SCAPER: variants seen among roughly 807,000 people sequenced by gnomAD.
SCAPER encodes S-phase cyclin A associated protein in the ER.
Under a neutral mutation model 182.2 loss-of-function variants are expected in SCAPER, and 98 were observed. The observed-to-expected ratio is 0.54, with a 90% confidence interval of 0.46 to 0.64. The LOEUF is 0.64. SCAPER is among the 30% of genes least tolerant of loss of function. The pLI, the probability that SCAPER is intolerant of heterozygous loss-of-function variation, is 0.00. For missense variants in SCAPER, 1,432 were observed against 1,690.0 expected, an observed-to-expected ratio of 0.85 and a Z score of 2.68; for synonymous variants, 605 against 564.6, an observed-to-expected ratio of 1.07 and a Z score of -1.01.
At chr15:76,478,161 T>C (rs986884121) in intron 24 of SCAPER, among the ~76,000 whole-genome samples, 2 of 151,978 alleles carry the variant, frequency 1.3e-5, no homozygotes, top group African/African-American at 2.4e-5. Context: ...GAAAAAGACA[T>C]TTACTTTCTT....
At chr15:76,600,454 T>TATA (rs1491317112) in intron 22 of SCAPER, among the ~76,000 whole-genome samples, 6 of 7,502 alleles carry the variant, frequency 8.0e-4, no homozygotes, top group African/African-American at 8.7e-4. Flanking sequence ...TATATATATA[T>TATA]TTTTTTTTTT....
At chr15:76,696,881 T>C (rs2058680953) in intron 20 of SCAPER, among the ~76,000 whole-genome samples, 3 of 152,182 alleles carry the variant, frequency 2.0e-5, no homozygotes, top group Non-Finnish European at 4.4e-5. Context: ...ACACAGTCCA[T>C]TTTGTTAAGT....
intron 20 of SCAPER, among the ~76,000 whole-genome samples, chr15:76,676,648 C>G (rs1425315364): frequency 6.6e-6 from 1 of 151,892 alleles, no homozygotes; most frequent in Non-Finnish European, 1.5e-5. Context: ...AATTATGGCA[C>G]ATGCATTGAG....
intron 24 of SCAPER, among the ~76,000 whole-genome samples, chr15:76,477,952 T>A (rs1255767730): frequency 2.0e-5 from 3 of 152,012 alleles, no homozygotes; most frequent in Non-Finnish European, 4.4e-5. Flanking sequence ...TTTTTTAGTT[T>A]TTTTTGGTCA....
chr15:76,850,553 C>T (rs762450468), intron 4 of SCAPER, among the ~76,000 whole-genome samples: 11 of 152,104 alleles, frequency 7.2e-5, no homozygotes, highest in African/African-American at 2.2e-4. Context: ...CTTAACCAGG[C>T]TGAGCTGGCT....
rs377153897 is a variant in SCAPER at position 76,720,368 on chromosome 15, G to T, written c.2165+8227C>A. Among the ~76,000 whole-genome samples the T allele has an allele frequency of 2.7e-4, 41 of 152,172 alleles. No homozygotes were observed. In the East Asian group the frequency reaches 7.5e-3, roughly 28 times the overall value. ...GTTGGTTCCAAGTCTTTGCTATTGT[G>T]GATAGTGCCACAATAAACATACATG... On this transcript the variant is annotated intron_variant, in intron 17 of 31. Coordinates refer to ENST00000563290, the MANE Select transcript of SCAPER (RefSeq NM_020843.4).
At chr15:76,529,556 G>A (rs946738744) in intron 23 of SCAPER, among the ~76,000 whole-genome samples, 1 of 152,192 alleles carries the variant, frequency 6.6e-6, no homozygotes, top group African/African-American at 2.4e-5. Context: ...GGAGGTAGAG[G>A]GAGATACAAT....
chr15:76,549,088 C>T (rs2045536136), intron 23 of SCAPER, among the ~76,000 whole-genome samples: 1 of 152,074 alleles, frequency 6.6e-6, no homozygotes, highest in Non-Finnish European at 1.5e-5. Context: ...AGAACTCAAA[C>T]AAATTTACAA....
chr15:76,891,511 A>C (rs1568419347), intron 1 of SCAPER, among the ~76,000 whole-genome samples: 1 of 151,752 alleles, frequency 6.6e-6, no homozygotes, highest in East Asian at 1.9e-4. Context: ...TTGCACAAGC[A>C]ATACACCAAT....
intron 14 of SCAPER, among the ~76,000 whole-genome samples, chr15:76,761,444 C>A (rs2062783018): frequency 6.6e-6 from 1 of 152,098 alleles, no homozygotes. Flanking sequence ...TTACTATAAA[C>A]TTCCCTCAGA....
At chr15:76,687,595 C>A (rs111809776) in intron 20 of SCAPER, among the ~76,000 whole-genome samples, 82 of 152,246 alleles carry the variant, frequency 5.4e-4, no homozygotes, top group South Asian at 3.3e-3. Context: ...TCCCCTAGCA[C>A]CCCATCCCCA....
intron 25 of SCAPER, among the ~76,000 whole-genome samples, chr15:76,469,522 T>C (rs907641791): frequency 1.3e-5 from 2 of 152,330 alleles, no homozygotes; most frequent in South Asian, 4.1e-4. Flanking sequence ...TCCAGGATCA[T>C]ACATTACATT....
At chr15:76,559,244 C>T (rs1000213255) in intron 23 of SCAPER, among the ~76,000 whole-genome samples, 83 of 136,006 alleles carry the variant, frequency 6.1e-4, no homozygotes, top group African/African-American at 2.0e-3. Flanking sequence ...TTAGTAGAGA[C>T]GGGGTTTCAC....
At chr15:76,819,267 T>C (rs1229793236) in intron 5 of SCAPER, among the ~76,000 whole-genome samples, 1 of 152,220 alleles carries the variant, frequency 6.6e-6, no homozygotes, top group Non-Finnish European at 1.5e-5. Context: ...GCTTGAGATC[T>C]GAGAACAGGC....
intron 25 of SCAPER, among the ~76,000 whole-genome samples, chr15:76,462,624 C>T (rs1478540911): frequency 6.6e-6 from 1 of 152,116 alleles, no homozygotes; most frequent in East Asian, 1.9e-4. Context: ...ATTTTTTACA[C>T]TGATGAAGGT....
At chr15:76,858,382 A>G (rs1599142447) in intron 3 of SCAPER, among the ~76,000 whole-genome samples, 1 of 152,152 alleles carries the variant, frequency 6.6e-6, no homozygotes, top group Admixed American at 6.5e-5. Context: ...TTTTTCACTC[A>G]TTCTTTTTTA....
chr15:76,605,232 AG>A (rs1196198170), intron 22 of SCAPER, among the ~76,000 whole-genome samples: 8 of 152,212 alleles, frequency 5.3e-5, no homozygotes, highest in Admixed American at 5.2e-4. Context: ...TTTAGCAGGA[AG>A]GGTTGTTGAA....
chr15:76,552,336 G>A (rs1341960441), intron 23 of SCAPER, among the ~76,000 whole-genome samples: 1 of 152,056 alleles, frequency 6.6e-6, no homozygotes, highest in African/African-American at 2.4e-5. Context: ...AGACACACCC[G>A]GCAGGAGTAT....
chr15:76,379,637 G>T (rs1009151632), intron 28 of SCAPER: 2 of 151,918 alleles, frequency 1.3e-5, no homozygotes, highest in African/African-American at 4.8e-5. Context: ...TTTTATCTTA[G>T]TTGGGCACAA....
Sources: gnomAD v4.1 joint callset for allele counts (sites outside exome capture counted in the v4.1 genomes callset) on GRCh38, gnomAD v4.1.1 for gene constraint, MANE v1.5 for transcripts, NCBI Gene and HGNC (gene_info 2026-07-23, HGNC 2026-07-21) for gene names.